The following DEUP1 variants were observed in gnomAD, a reference collection of about 807,000 sequenced individuals.
The protein encoded by DEUP1 is deuterosome assembly protein 1.
DEUP1 carries 82 observed loss-of-function variants against 87.4 expected under a neutral mutation model. That is an observed-to-expected ratio of 0.94 (90% CI 0.78 to 1.13). The LOEUF is 1.13. DEUP1 is among the 50% of genes most tolerant of loss of function. DEUP1 has a pLI of 0.00. For synonymous variants in DEUP1, 214 were observed against 222.7 expected (o/e 0.96, Z 0.35); for missense variants, 663 against 681.5 (o/e 0.97, Z 0.30).
intron 2 of DEUP1, among the ~76,000 whole-genome samples, chr11:93,343,038 G>A (rs1944158048): frequency 6.6e-6 from 1 of 152,222 alleles, no homozygotes. Flanking sequence ...CTCTGGACAT[G>A]TCAGTGTTGA....
At chr11:93,381,234 G>A (rs111645830) in intron 7 of DEUP1, among the ~76,000 whole-genome samples, 36 of 152,194 alleles carry the variant, frequency 2.4e-4, no homozygotes, top group African/African-American at 8.4e-4. Flanking sequence ...TAAACAGATG[G>A]GCTTTAAACA....
chr11:93,399,718 G>C (rs952505549), intron 11 of DEUP1, among the ~76,000 whole-genome samples: 1 of 151,594 alleles, frequency 6.6e-6, no homozygotes, highest in Non-Finnish European at 1.5e-5. Context: ...AATTTAAGTA[G>C]GCTTTTTACT....
chr11:93,389,114 G>T lies in DEUP1; in HGVS notation c.1030G>T (p.Glu344Ter). 3 of 1,580,104 alleles carry T rather than the reference G, an allele frequency of 1.9e-6. No individual in the cohort carries two copies. Among genetic ancestry groups the T allele is most frequent in the Non-Finnish European group, 2.6e-6 (3 of 1,157,472 alleles). The stretch of plus-strand genomic sequence containing the variant: ...GCAAGATCAACCAAATCATGAAAAA[G>T]AATTGAACAAGGTATGAAAAATAAT... Reference protein sequence around the residue: ...VMQDQPNHEKELNKIRSQLQQ... With the variant: ...VMQDQPNHEK Residue 344 changes from glutamate (E) to a stop codon, truncating the protein, a stop_gained, in exon 9 of 14, where the codon GAA becomes TAA. Transcript: ENST00000298050. LOFTEE classifies it high-confidence loss of function.
chr11:93,427,230 C>G (rs1466329278), intron 13 of DEUP1, among the ~76,000 whole-genome samples: 1 of 150,732 alleles, frequency 6.6e-6, no homozygotes, highest in Non-Finnish European at 1.5e-5. Context: ...AACTATACTA[C>G]AAGGCTACAG....
chr11:93,395,950 A>G (rs555643790), intron 10 of DEUP1, among the ~76,000 whole-genome samples: 3 of 152,316 alleles, frequency 2.0e-5, no homozygotes, highest in Admixed American at 6.5e-5. Flanking sequence ...ATTTGCATAC[A>G]ATAGAAAATA....
chr11:93,395,343 T>A (rs1005882516), intron 10 of DEUP1, among the ~76,000 whole-genome samples: 3 of 152,180 alleles, frequency 2.0e-5, no homozygotes, highest in African/African-American at 7.2e-5. Flanking sequence ...TTTGAGAGCA[T>A]CATTTAATAA....
intron 2 of DEUP1, among the ~76,000 whole-genome samples, chr11:93,340,604 A>G (rs1366478510): frequency 2.0e-5 from 3 of 152,206 alleles, no homozygotes; most frequent in Non-Finnish European, 4.4e-5. Flanking sequence ...ATAGGAGGGT[A>G]AGGGTTGAAA....
At chr11:93,343,598 GGGTTAC>G (rs1944184923) in intron 2 of DEUP1, among the ~76,000 whole-genome samples, 1 of 152,064 alleles carries the variant, frequency 6.6e-6, no homozygotes, top group Admixed American at 6.6e-5. Context: ...GTGGACCAAG[GGGTTAC>G]TTAGAATGTG....
At chr11:93,435,357 T>A (rs1948212552) in intron 13 of DEUP1, among the ~76,000 whole-genome samples, 2 of 152,212 alleles carry the variant, frequency 1.3e-5, no homozygotes, top group South Asian at 4.1e-4. Flanking sequence ...GGTATTGGGA[T>A]GATGCATAAT....
intron 11 of DEUP1, among the ~76,000 whole-genome samples, chr11:93,401,665 G>A (rs566458017): frequency 4.2e-4 from 64 of 151,754 alleles, no homozygotes; most frequent in African/African-American, 1.3e-3. Flanking sequence ...ATTAATCTTC[G>A]ATAACCACAA....
At position 93,360,865 on chromosome 11, in the gene DEUP1, G is replaced by A. The variant is rs1049003384; in HGVS notation, c.298-3295G>A. The stretch of plus-strand genomic sequence containing the variant: ...GGAGAAAGATGGGGAGGGTGAAAAA[G>A]CATTCAAAGAAATAATAGCTGAAAA... On this transcript the variant is annotated intron_variant, in intron 4 of 13. Coordinates refer to ENST00000298050, the MANE Select transcript of DEUP1 (RefSeq NM_181645.4). 6.6e-5 allele frequency among the ~76,000 whole-genome samples: 5 copies of A among 75,592 alleles called. No homozygotes were observed. In the East Asian group the frequency reaches 1.4e-3, roughly 21 times the overall value. 49.6% of individuals were successfully genotyped at this position (75,592 alleles called of 152,430 possible).
intron 2 of DEUP1, among the ~76,000 whole-genome samples, chr11:93,353,724 T>A (rs1944746671): frequency 6.6e-6 from 1 of 152,214 alleles, no homozygotes; most frequent in Admixed American, 6.5e-5. Context: ...GGGGCTTCTA[T>A]CCTCTGAAGC....
intron 11 of DEUP1, among the ~76,000 whole-genome samples, chr11:93,402,243 T>C (rs1449281672): frequency 6.6e-6 from 1 of 151,830 alleles, no homozygotes; most frequent in Non-Finnish European, 1.5e-5. Flanking sequence ...GGCCAACAGG[T>C]ATATGAAAAA....
intron 7 of DEUP1, among the ~76,000 whole-genome samples, chr11:93,372,681 C>G (rs1196082416): frequency 1.3e-5 from 2 of 152,172 alleles, no homozygotes; most frequent in African/African-American, 4.8e-5. Flanking sequence ...CATACATATT[C>G]CCCACTTCAA....
At chr11:93,344,873 T>C (rs1338480592) in intron 2 of DEUP1, among the ~76,000 whole-genome samples, 1 of 151,960 alleles carries the variant, frequency 6.6e-6, no homozygotes, top group African/African-American at 2.4e-5. Flanking sequence ...TTTTTTTTTT[T>C]AAGTTCAAAG....
At chr11:93,407,354 G>A (rs762395673) in intron 11 of DEUP1, among the ~76,000 whole-genome samples, 3 of 152,100 alleles carry the variant, frequency 2.0e-5, no homozygotes, top group Non-Finnish European at 2.9e-5. Flanking sequence ...TACAGCCTAC[G>A]TGTGTAGTAG....
chr11:93,354,964 C>A (rs145297984), intron 2 of DEUP1, among the ~76,000 whole-genome samples: 1 of 152,278 alleles, frequency 6.6e-6, no homozygotes, highest in East Asian at 1.9e-4. Flanking sequence ...GAATCTCATC[C>A]TACCTAGCCC....
intron 13 of DEUP1, among the ~76,000 whole-genome samples, chr11:93,435,600 A>C (rs371462479): frequency 6.6e-6 from 1 of 152,142 alleles, no homozygotes; most frequent in Non-Finnish European, 1.5e-5. Flanking sequence ...TTCTTCTAGT[A>C]TGGGATCTAC....
At chr11:93,391,470 G>A (rs1051343310) in intron 9 of DEUP1, among the ~76,000 whole-genome samples, 1 of 152,074 alleles carries the variant, frequency 6.6e-6, no homozygotes, top group African/African-American at 2.4e-5. Flanking sequence ...AGCACTTTGG[G>A]AGGCCAAGGT....
Sources: gnomAD v4.1 joint callset for allele counts (sites outside exome capture counted in the v4.1 genomes callset) on GRCh38, gnomAD v4.1.1 for gene constraint, MANE v1.5 for transcripts, NCBI Gene and HGNC (gene_info 2026-07-23, HGNC 2026-07-21) for gene names.